The following KRT73 variants were observed in gnomAD, a reference collection of about 807,000 sequenced individuals.
KRT73 encodes keratin 73.
Under a neutral mutation model 47.2 loss-of-function variants are expected in KRT73, and 44 were observed. That is an observed-to-expected ratio of 0.93 (90% CI 0.73 to 1.20). KRT73 has a LOEUF of 1.20. KRT73 is among the 50% of genes most tolerant of loss of function. The pLI is 0.00. For synonymous variants in KRT73, 285 were observed against 291.3 expected (o/e 0.98, Z 0.22); for missense variants, 713 against 704.5 (o/e 1.01, Z -0.14).
At chr12:52,618,561 C>G (rs374429527), upstream of KRT73, 6 of 1,548,300 alleles carry the variant, frequency 3.9e-6, no homozygotes, top group Non-Finnish European at 4.4e-6. Context: ...AGATGCTGAC[C>G]CTTAGCTGAG....
chr12:52,623,384 T>C (rs1197182135), upstream of KRT73, among the ~76,000 whole-genome samples: 5 of 152,164 alleles, frequency 3.3e-5, no homozygotes, highest in Non-Finnish European at 5.9e-5. Context: ...AGTAAAAATA[T>C]CCTTCAGGAA....
chr12:52,616,527 C>A, intron 1 of KRT73, 147 bp from the exon 2 acceptor site: 1 of 964,444 alleles, frequency 1.0e-6, no homozygotes, highest in Non-Finnish European at 1.5e-6. Context: ...CACTCACACC[C>A]CCACTCCTTA....
chr12:52,611,357 C>G, intron 5 of KRT73, 28 bp from the exon 6 acceptor site: 1 of 1,613,620 alleles, frequency 6.2e-7, no homozygotes, highest in African/African-American at 1.3e-5. Context: ...AAAGCAAGAA[C>G]ACTGACTCAG....
At chr12:52,624,142 T>C in the KRT73 span, among the ~76,000 whole-genome samples, 15 of 152,018 alleles carry the variant, frequency 9.9e-5, no homozygotes, top group Admixed American at 2.6e-4. Flanking sequence ...AAAAAAATTA[T>C]GAGACAGAGA....
the KRT73 span, among the ~76,000 whole-genome samples, chr12:52,627,249 G>T: frequency 1.3e-5 from 2 of 152,190 alleles, no homozygotes. Flanking sequence ...TCCCAAGATA[G>T]CATCTGTCTC....
chr12:52,611,004 G>T, intron 6 of KRT73, 169 bp from the exon 7 acceptor site: 1 of 892,530 alleles, frequency 1.1e-6, no homozygotes, highest in East Asian at 2.6e-5. Flanking sequence ...GGCTTGCTAC[G>T]CTGGGCCCCA....
At chr12:52,625,062 A>T in the KRT73 span, among the ~76,000 whole-genome samples, 7 of 152,194 alleles carry the variant, frequency 4.6e-5, no homozygotes, top group Non-Finnish European at 8.8e-5. Flanking sequence ...GAAAAACAAT[A>T]GGGGAAATCC....
rs148049721 is a variant in KRT73, at chr12:52,608,296, C to T, written c.1523G>A (p.Arg508His). 931 of 1,613,984 alleles carry T rather than the reference C, an allele frequency of 5.8e-4. 5 individuals carry two copies. In the African/African-American group the frequency reaches 0.011, roughly 19 times the overall value. ...CVTGSGNCSP[R>H]GEARTRLGSA... ...CCCCAGCCTGGTCCTGGCTTCCCCA[C>T]GGGGGCTACAGTTCCCACTGCCAGT... Residue 508 changes from arginine (R) to histidine (H), a missense_variant, in exon 9 of 9, where the codon CGT becomes CAT. Physicochemically the swap from Arg to His is conservative, Grantham distance 29 (BLOSUM62 0). Coordinates refer to ENST00000305748, the MANE Select transcript of KRT73 (RefSeq NM_175068.3).
At chr12:52,615,046 G>T in intron 3 of KRT73, 1 of 537,662 alleles carries the variant, frequency 1.9e-6, no homozygotes, top group Non-Finnish European at 3.3e-6. Context: ...CAGCCAGAGG[G>T]GACATGAGTT....
the KRT73 span, among the ~76,000 whole-genome samples, chr12:52,627,071 T>C: frequency 7.4e-4 from 113 of 152,350 alleles, 3 homozygotes; most frequent in Admixed American, 6.5e-3. Context: ...CCTACTTATG[T>C]GCCCAGCACT....
In KRT73 at chr12:52,617,321, G is replaced by A. The variant is rs529504597; in HGVS notation, c.447+757C>T. ...TTGTTCCTCAGTGATTCTCAAACCT[G>A]AGTGTACATCAGCATCACCTGGAGA... On this transcript the variant is annotated intron_variant, in intron 1 of 8. Coordinates refer to ENST00000305748, the MANE Select transcript of KRT73 (RefSeq NM_175068.3). 3.3e-4 allele frequency among the ~76,000 whole-genome samples: 51 copies of A among 152,308 alleles called. No homozygotes were observed. The Middle Eastern group carries it at 0.014, about 41-fold the overall frequency.
intron 7 of KRT73, 87 bp downstream of exon 7, chr12:52,610,528 C>CGGGGGGGGGGGGGGGGGGGG: frequency 3.2e-6 from 1 of 310,072 alleles, no homozygotes. Context: ...GCCAGCTCGC[C>CGGGGGGGGGGGGGGGGGGGG]GCCCCCTCCC....
Position 52,608,301 on chromosome 12 carries a change from G to C in KRT73, c.1518C>G (p.Ser506Arg), listed in dbSNP as rs753875373. Residue 506 changes from serine to arginine, a missense_variant, in exon 9 of 9, where the codon AGC becomes AGG. By Grantham distance (110) the Ser-to-Arg change is moderately radical. Coordinates refer to ENST00000305748, the MANE Select transcript of KRT73 (RefSeq NM_175068.3). ...GCCTGGTCCTGGCTTCCCCACGGGG[G>C]CTACAGTTCCCACTGCCAGTGACAC... ...GGCVTGSGNC[S>R]PRGEARTRLG... 6.8e-6 allele frequency: 11 copies of C among 1,613,978 alleles called. No individual in the cohort carries two copies. Among genetic ancestry groups the C allele is most frequent in the Non-Finnish European group, 8.5e-6 (10 of 1,180,002 alleles).
intron 6 of KRT73, 44 bp downstream of exon 6, chr12:52,611,160 C>T (rs1208161265): frequency 1.2e-6 from 2 of 1,608,620 alleles, no homozygotes; most frequent in Admixed American, 1.7e-5. Context: ...AAGCAGTTCA[C>T]CCCTCCCTTA....
At chr12:52,617,282 A>G (rs1049325395) in intron 1 of KRT73, among the ~76,000 whole-genome samples, 1 of 151,950 alleles carries the variant, frequency 6.6e-6, no homozygotes, top group African/African-American at 2.4e-5. Context: ...GCTTCCCAAT[A>G]CCTTCCTACC....
the KRT73 span, among the ~76,000 whole-genome samples, chr12:52,623,754 G>C: frequency 6.6e-6 from 1 of 151,924 alleles, no homozygotes; most frequent in Non-Finnish European, 1.5e-5. Context: ...ATAAAATAAT[G>C]ATAGCAATAG....
At chr12:52,611,490 T>C (rs955060796) in intron 5 of KRT73, 161 bp from the exon 6 acceptor site, 1 of 736,508 alleles carries the variant, frequency 1.4e-6, no homozygotes, top group South Asian at 1.9e-5. Context: ...CATTGGGCCA[T>C]TGCATTTGCT....
chr12:52,615,193 C>CG (rs1198471947), intron 3 of KRT73, 86 bp downstream of exon 3: 1 of 1,187,180 alleles, frequency 8.4e-7, no homozygotes, highest in Non-Finnish European at 1.2e-6. Context: ...GGCCCTTCTG[C>CG]GGGGGGCTCA....
intron 2 of KRT73, among the ~76,000 whole-genome samples, chr12:52,615,783 G>A (rs1264974592): frequency 6.6e-6 from 1 of 152,152 alleles, no homozygotes; most frequent in Non-Finnish European, 1.5e-5. Context: ...GGACCGAAAG[G>A]CAATGAGAGA....
Sources: gnomAD v4.1 joint callset for allele counts (sites outside exome capture counted in the v4.1 genomes callset) on GRCh38, gnomAD v4.1.1 for gene constraint, MANE v1.5 for transcripts, NCBI Gene and HGNC (gene_info 2026-07-23, HGNC 2026-07-21) for gene names.